HS6ST3: variants seen among roughly 807,000 people sequenced by gnomAD.
The protein encoded by HS6ST3 is heparan-sulfate 6-O-sulfotransferase 3.
In HS6ST3, 12 loss-of-function variants were observed where a neutral mutation model predicts 36.7. The observed-to-expected ratio is 0.33, with a 90% CI of 0.21 to 0.53. The LOEUF (loss-of-function observed/expected upper bound fraction) is 0.53. Ranked by LOEUF, HS6ST3 falls within the 20% of genes least tolerant of loss-of-function variation. The pLI is 0.95. For missense variants in HS6ST3, 584 were observed against 640.9 expected (o/e 0.91, Z 0.96); for synonymous variants, 240 against 257.5 (o/e 0.93, Z 0.65).
At chr13:96,417,202 G>A (rs766522792) in intron 1 of HS6ST3, among the ~76,000 whole-genome samples, 3 of 152,162 alleles carry the variant, frequency 2.0e-5, no homozygotes, top group Admixed American at 6.5e-5. Flanking sequence ...AGCTGTTGGT[G>A]TGTTTAGTGA....
intron 1 of HS6ST3, among the ~76,000 whole-genome samples, chr13:96,252,345 C>T (rs1034516407): frequency 6.6e-6 from 1 of 152,280 alleles, no homozygotes. Flanking sequence ...TACTGATTGG[C>T]TTCAGGAGAC....
chr13:96,414,000 C>A (rs2055520934), intron 1 of HS6ST3, among the ~76,000 whole-genome samples: 1 of 152,186 alleles, frequency 6.6e-6, no homozygotes, highest in African/African-American at 2.4e-5. Context: ...ATAAATTAAA[C>A]TGGACAATAG....
intron 1 of HS6ST3, among the ~76,000 whole-genome samples, chr13:96,164,934 AT>A (rs1377385496): frequency 1.3e-5 from 2 of 152,164 alleles, no homozygotes; most frequent in Non-Finnish European, 2.9e-5. Context: ...CATATTTCAT[AT>A]TCTTTCTTTC....
chr13:96,378,430 G>A (rs1223151918), intron 1 of HS6ST3, among the ~76,000 whole-genome samples: 1 of 152,180 alleles, frequency 6.6e-6, no homozygotes, highest in Non-Finnish European at 1.5e-5. Flanking sequence ...CTTCGTGCAT[G>A]TAGGCAGCTC....
intron 1 of HS6ST3, among the ~76,000 whole-genome samples, chr13:96,475,055 C>T (rs934743724): frequency 6.6e-6 from 1 of 151,724 alleles, no homozygotes; most frequent in African/African-American, 2.4e-5. Flanking sequence ...CAACTCTATT[C>T]TCTCACCAGT....
intron 1 of HS6ST3, among the ~76,000 whole-genome samples, chr13:96,320,976 C>A (rs997815929): frequency 6.6e-6 from 1 of 152,078 alleles, no homozygotes; most frequent in Non-Finnish European, 1.5e-5. Flanking sequence ...ATTTCTGACC[C>A]CTTCCTGGGG....
chr13:96,583,204 C>CTTTTTCTTTTTTTT (rs2056348269), intron 1 of HS6ST3, among the ~76,000 whole-genome samples: 1 of 52,922 alleles, frequency 1.9e-5, no homozygotes, highest in Non-Finnish European at 3.1e-5. Context: ...TTTTTCTTTT[C>CTTTTTCTTTTTTTT]TTTTTTTTTT....
intron 1 of HS6ST3, among the ~76,000 whole-genome samples, chr13:96,421,194 C>A (rs1164393399): frequency 6.6e-6 from 1 of 152,074 alleles, no homozygotes; most frequent in African/African-American, 2.4e-5. Context: ...ATTAAAATAT[C>A]TTTGGGCTGT....
At chr13:96,237,642 G>C (rs994792636) in intron 1 of HS6ST3, among the ~76,000 whole-genome samples, 4 of 152,154 alleles carry the variant, frequency 2.6e-5, no homozygotes, top group African/African-American at 9.7e-5. Flanking sequence ...TACGTGTGCT[G>C]TCTCTAATGC....
At chr13:96,259,069 G>A (rs1394865265) in intron 1 of HS6ST3, among the ~76,000 whole-genome samples, 1 of 152,272 alleles carries the variant, frequency 6.6e-6, no homozygotes, top group South Asian at 2.1e-4. Flanking sequence ...CAGGAAATTA[G>A]GGGAAGGAGA....
intron 1 of HS6ST3, among the ~76,000 whole-genome samples, chr13:96,811,685 C>T (rs768643830): frequency 2.0e-5 from 3 of 152,082 alleles, no homozygotes; most frequent in Non-Finnish European, 4.4e-5. Flanking sequence ...GAAAGTTGAG[C>T]ACATATAATA....
At chr13:96,231,055 G>A (rs75473357) in intron 1 of HS6ST3, among the ~76,000 whole-genome samples, 2,601 of 152,172 alleles carry the variant, frequency 0.017, 35 homozygotes, top group East Asian at 0.056. Context: ...TGGAAAGAGA[G>A]GTATGAAGGG....
intron 1 of HS6ST3, among the ~76,000 whole-genome samples, chr13:96,515,805 A>G (rs978062506): frequency 2.0e-5 from 3 of 152,152 alleles, no homozygotes; most frequent in Non-Finnish European, 2.9e-5. Flanking sequence ...TAATTAAACA[A>G]ACCTCCTTTC....
At chr13:96,267,350 G>C (rs2054697452) in intron 1 of HS6ST3, among the ~76,000 whole-genome samples, 1 of 151,984 alleles carries the variant, frequency 6.6e-6, no homozygotes, top group South Asian at 2.1e-4. Flanking sequence ...TAGTATTTCA[G>C]GTTTCTTCTT....
At chr13:96,764,995 G>A (rs1877062984) in intron 1 of HS6ST3, among the ~76,000 whole-genome samples, 1 of 150,544 alleles carries the variant, frequency 6.6e-6, no homozygotes, top group South Asian at 2.1e-4. Flanking sequence ...TATTGAAATT[G>A]AAATGGAAAG....
chr13:96,310,134 G>T (rs1210627323), intron 1 of HS6ST3, among the ~76,000 whole-genome samples: 2 of 152,068 alleles, frequency 1.3e-5, no homozygotes, highest in Non-Finnish European at 2.9e-5. Context: ...TGTATAGTGA[G>T]TATTGCTCAA....
intron 1 of HS6ST3, among the ~76,000 whole-genome samples, chr13:96,828,629 A>C (rs572587605): frequency 3.3e-5 from 5 of 152,324 alleles, no homozygotes; most frequent in African/African-American, 1.2e-4. Flanking sequence ...CGTTAAGTTA[A>C]ATAAAAATAA....
intron 1 of HS6ST3, among the ~76,000 whole-genome samples, chr13:96,310,073 T>C (rs574175253): frequency 7.2e-5 from 11 of 152,318 alleles, no homozygotes; most frequent in African/African-American, 2.4e-4. Flanking sequence ...TTTTCTTCTT[T>C]TGGCTATTAC....
intron 1 of HS6ST3, among the ~76,000 whole-genome samples, chr13:96,820,570 A>G (rs906655206): frequency 2.6e-5 from 4 of 152,350 alleles, no homozygotes; most frequent in Middle Eastern, 3.4e-3. Context: ...CCACAACCCT[A>G]TGAAGTAAGT....
Sources: allele counts gnomAD v4.1 joint callset (sites outside exome capture counted in the v4.1 genomes callset), GRCh38; gene constraint gnomAD v4.1.1; transcripts MANE v1.5; gene names NCBI Gene and HGNC (gene_info 2026-07-23, HGNC 2026-07-21).